Variants in MPC1 observed in about 807,000 individuals in gnomAD.
MPC1 encodes HSPC040 protein.
Under a neutral mutation model 13.9 loss-of-function variants are expected in MPC1, and 6 were observed. The observed-to-expected ratio is 0.43, with a 90% confidence interval of 0.24 to 0.85. The LOEUF (loss-of-function observed/expected upper bound fraction) is 0.85, where lower values mean the gene tolerates loss of function less well. MPC1 is among the 40% of genes least tolerant of loss of function. The pLI is 0.24. For missense variants in MPC1, 115 were observed against 143.3 expected (o/e 0.80, Z 1.01); for synonymous variants, 47 against 50.5 (o/e 0.93, Z 0.29).
chr6:166,374,023 G>A (rs1779482300), intron 1 of MPC1, among the ~76,000 whole-genome samples: 1 of 151,888 alleles, frequency 6.6e-6, no homozygotes, highest in Admixed American at 6.6e-5. Flanking sequence ...GTCTTGCTCT[G>A]TTGCCCAGGA....
At chr6:166,369,915 T>C in intron 2 of MPC1, 1 of 510,848 alleles carries the variant, frequency 2.0e-6, no homozygotes, top group South Asian at 1.9e-5. Context: ...TCCTGCTTTC[T>C]CTTTTTCTTT....
intron 1 of MPC1, chr6:166,381,924 C>G (rs1189666588): frequency 1.6e-6 from 1 of 626,750 alleles, no homozygotes; most frequent in Non-Finnish European, 2.0e-6. Context: ...TCCGCTGTCC[C>G]AGAAGCGCGC....
chr6:166,371,345 C>T (rs1779373863), intron 1 of MPC1, among the ~76,000 whole-genome samples: 1 of 152,074 alleles, frequency 6.6e-6, no homozygotes, highest in Non-Finnish European at 1.5e-5. Context: ...ATGCTGTTTT[C>T]CAGAATGTTA....
At chr6:166,369,575 G>A (rs896763733) in intron 2 of MPC1, 1 of 162,968 alleles carries the variant, frequency 6.1e-6, no homozygotes, top group Non-Finnish European at 1.4e-5. Flanking sequence ...TTTAACACTA[G>A]TTTACTAAAA....
intron 3 of MPC1, among the ~76,000 whole-genome samples, chr6:166,366,508 T>C (rs1386269722): frequency 1.3e-5 from 2 of 152,206 alleles, no homozygotes; most frequent in African/African-American, 4.8e-5. Context: ...CCAAAAAAGT[T>C]CACAATATAA....
intron 2 of MPC1, among the ~76,000 whole-genome samples, chr6:166,369,227 C>T (rs1243254310): frequency 6.6e-6 from 1 of 152,098 alleles, no homozygotes; most frequent in Non-Finnish European, 1.5e-5. Context: ...CATGGTGAAA[C>T]CCCGTCTCTA....
At chr6:166,375,821 G>A (rs900790354) in intron 1 of MPC1, among the ~76,000 whole-genome samples, 5 of 152,134 alleles carry the variant, frequency 3.3e-5, no homozygotes, top group African/African-American at 4.8e-5. Flanking sequence ...ATCTTGGTGA[G>A]TGTTCCATGT....
intron 1 of MPC1, among the ~76,000 whole-genome samples, chr6:166,374,185 G>T (rs1191148284): frequency 6.6e-6 from 1 of 152,242 alleles, no homozygotes; most frequent in South Asian, 2.1e-4. Context: ...TTAGGTAGAG[G>T]TTTCACCATG....
In MPC1 at chr6:166,364,923, AC is replaced by A. The variant is rs1273308710; in HGVS notation, c.*505del. 6.6e-6 allele frequency: 1 copy of A among 152,556 alleles called. No homozygotes were observed. The highest frequency in any genetic ancestry group is 2.4e-5 in the African/African-American group (1 of 41,478). The allele number at this position is 152,556 out of a possible 1,614,324, so 9.5% of individuals were successfully genotyped here. ...CAAGATATTTAATCATACTCATTTA[AC>A]AAATATTTAAATCATTTATTGCCAT... is the stretch of plus-strand genomic sequence containing the variant. On this transcript the variant is annotated 3_prime_UTR_variant, in exon 5 of 5. Coordinates refer to ENST00000360961, the MANE Select transcript of MPC1 (RefSeq NM_016098.4).
chr6:166,370,345 C>G lies in MPC1; in HGVS notation c.72-124G>C, dbSNP rs149266533. 1.2e-3 allele frequency: 788 copies of G among 631,864 alleles called. 5 individuals carry two copies. In the African/African-American group the frequency reaches 0.013, roughly 11 times the overall value. The allele number at this position is 631,864 out of a possible 1,614,324, so 39.1% of individuals were successfully genotyped here. ...CACACCTGTATTCAAATTTCAGTAA[C>G]AGGACTACAACGTTAACAGTGTACA... On this transcript the variant is annotated intron_variant, in intron 1 of 4. Transcript: ENST00000360961.
At chr6:166,371,915 C>A (rs1231886396) in intron 1 of MPC1, among the ~76,000 whole-genome samples, 1 of 151,980 alleles carries the variant, frequency 6.6e-6, no homozygotes, top group South Asian at 2.1e-4. Flanking sequence ...TTTTTTTGGA[C>A]CACAAATGGC....
intron 2 of MPC1, among the ~76,000 whole-genome samples, chr6:166,368,017 T>C (rs1583057975): frequency 6.6e-6 from 1 of 152,350 alleles, no homozygotes; most frequent in East Asian, 1.9e-4. Flanking sequence ...AAGGTCAAAG[T>C]TCCCACATAG....
rs1779097226 is a variant in MPC1, at chr6:166,364,980, A to G, written c.*449T>C. 6.5e-6 allele frequency: 1 copy of G among 154,788 alleles called. No individual in the cohort carries two copies. The highest frequency in any genetic ancestry group is 1.4e-5 in the Non-Finnish European group (1 of 69,546). The allele number at this position is 154,788 out of a possible 1,614,324, so 9.6% of individuals were successfully genotyped here. The stretch of plus-strand genomic sequence containing the variant: ...TACAGCATCTCAATATATACACTGC[A>G]TGGAAATACACAGGTAACATTTTTA... On this transcript the variant is annotated 3_prime_UTR_variant, in exon 5 of 5. Coordinates refer to ENST00000360961, the MANE Select transcript of MPC1 (RefSeq NM_016098.4).
chr6:166,379,064 C>G (rs1197382314), intron 1 of MPC1, among the ~76,000 whole-genome samples: 1 of 151,978 alleles, frequency 6.6e-6, no homozygotes, highest in Non-Finnish European at 1.5e-5. Flanking sequence ...TTCCGTTATC[C>G]CAGTAATGCC....
chr6:166,381,091 C>T (rs1438642085), intron 1 of MPC1, among the ~76,000 whole-genome samples: 3 of 152,160 alleles, frequency 2.0e-5, no homozygotes, highest in Non-Finnish European at 4.4e-5. Flanking sequence ...GTATCCAACA[C>T]ATTAGTAAAA....
At chr6:166,367,050 T>C in intron 2 of MPC1, 159 bp from the exon 3 acceptor site, 4 of 1,498,352 alleles carry the variant, frequency 2.7e-6, no homozygotes, top group Non-Finnish European at 3.6e-6. Flanking sequence ...TGGTTAACAT[T>C]TAGGTATTGG....
rs569778642 is a variant in MPC1 at position 166,378,937 on chromosome 6, G to A, written c.71+3869C>T. Among the ~76,000 whole-genome samples the A allele has an allele frequency of 5.3e-5, 8 of 152,342 alleles. No homozygotes were observed. In the South Asian group the frequency reaches 1.7e-3, roughly 32 times the overall value. On this transcript the variant is annotated intron_variant, in intron 1 of 4. Transcript: ENST00000360961. ...AAGCTCACAAAGCTGGAAAGCAAGAGCTGGGCTTCAAATCCATCATTCAAA... is the reference window on the plus strand; with the variant it reads ...AAGCTCACAAAGCTGGAAAGCAAGAACTGGGCTTCAAATCCATCATTCAAA...
intron 1 of MPC1, among the ~76,000 whole-genome samples, chr6:166,374,333 A>C (rs1779495059): frequency 6.6e-6 from 1 of 152,164 alleles, no homozygotes; most frequent in African/African-American, 2.4e-5. Flanking sequence ...ATTTTGGAAA[A>C]GTCCTTTATC....
intron 1 of MPC1, among the ~76,000 whole-genome samples, chr6:166,373,465 T>C (rs1779457706): frequency 6.6e-6 from 1 of 152,256 alleles, no homozygotes; most frequent in Non-Finnish European, 1.5e-5. Flanking sequence ...CATAGCTCAC[T>C]TTTTAGTGCT....
Sources: gnomAD v4.1 joint callset for allele counts (sites outside exome capture counted in the v4.1 genomes callset) on GRCh38, gnomAD v4.1.1 for gene constraint, MANE v1.5 for transcripts, NCBI Gene and HGNC (gene_info 2026-07-23, HGNC 2026-07-21) for gene names.